Variants in DTNA observed in about 807,000 individuals in gnomAD.
DTNA encodes dystrophin-related protein 3.
DTNA carries 43 observed loss-of-function variants against 100.7 expected under a neutral mutation model. The ratio of observed to expected loss-of-function variants is 0.43; its 90% confidence interval spans 0.33 to 0.55. The LOEUF is 0.55. Among genes scored for constraint, DTNA ranks in the 20% least tolerant of loss-of-function variants. The probability of loss-of-function intolerance (pLI) is 0.04; values close to 1 mark genes in which losing one functional copy is unlikely to be tolerated. For synonymous variants in DTNA, 349 were observed against 347.9 expected, an observed-to-expected ratio of 1.00 and a Z score of -0.04; for missense variants, 798 against 953.9, an observed-to-expected ratio of 0.84 and a Z score of 2.15.
chr18:34,794,349 T>C (rs945021820), intron 4 of DTNA, 99 bp downstream of exon 4: 6 of 1,342,862 alleles, frequency 4.5e-6, no homozygotes, highest in Non-Finnish European at 5.3e-6. Flanking sequence ...CTCTCTCTTT[T>C]TTTTTTTACT....
At chr18:34,618,546 T>A (rs1305664885) in intron 1 of DTNA, among the ~76,000 whole-genome samples, 1 of 152,128 alleles carries the variant, frequency 6.6e-6, no homozygotes, top group Non-Finnish European at 1.5e-5. Flanking sequence ...CTCTCAATCA[T>A]GTGTTATTGT....
chr18:34,539,090 A>G (rs1398557671), intron 1 of DTNA, among the ~76,000 whole-genome samples: 3 of 152,042 alleles, frequency 2.0e-5, no homozygotes, highest in African/African-American at 7.2e-5. Context: ...ATGAGTTATC[A>G]CTGTTCACAG....
rs138293478 is a variant in DTNA at position 34,656,389 on chromosome 18, G to A, written c.-1-99587G>A. Among the ~76,000 whole-genome samples the A allele has an allele frequency of 2.1e-3, 327 of 152,316 alleles. 2 individuals are homozygous for A. The highest frequency in any genetic ancestry group is 7.6e-3 in the African/African-American group (318 of 41,578). ...CGTCTTGCTAGGAATTAGAAGAATAGAAGGGTTCTTCTTACGGTAAATGTC... is the reference window on the plus strand; with the variant it reads ...CGTCTTGCTAGGAATTAGAAGAATAAAAGGGTTCTTCTTACGGTAAATGTC... On this transcript the variant is annotated intron_variant, in intron 1 of 19. Transcript: ENST00000283365.
intron 3 of DTNA, among the ~76,000 whole-genome samples, chr18:34,783,002 A>G (rs150324977): frequency 6.6e-6 from 1 of 152,360 alleles, no homozygotes; most frequent in East Asian, 1.9e-4. Flanking sequence ...AAAGCCCTTT[A>G]TAAAATGACT....
chr18:34,539,610 T>C (rs1024174054), intron 1 of DTNA, among the ~76,000 whole-genome samples: 3 of 151,986 alleles, frequency 2.0e-5, no homozygotes, highest in African/African-American at 7.2e-5. Flanking sequence ...ACTGTTCTTT[T>C]GGCTTGTGGA....
chr18:34,719,878 G>T (rs1183530713), intron 1 of DTNA, among the ~76,000 whole-genome samples: 1 of 152,090 alleles, frequency 6.6e-6, no homozygotes, highest in Non-Finnish European at 1.5e-5. Context: ...CAAAGAATGG[G>T]CCTCATTGAA....
chr18:34,525,291 A>G (rs2042511501), intron 1 of DTNA, among the ~76,000 whole-genome samples: 1 of 152,054 alleles, frequency 6.6e-6, no homozygotes, highest in South Asian at 2.1e-4. Flanking sequence ...TCAGGGGAAA[A>G]TATGCTGAAC....
rs899487281 is a variant in DTNA at position 34,887,632 on chromosome 18, T to C, written c.*32-134T>C. ...TCCTGATTGTCGTAGGAAAGGAGTG[T>C]GTGTGTGCATGTGTGTGTGTGTGTG... On this transcript the variant is annotated intron_variant, in intron 22 of 22. Transcript: ENST00000444659. 16 of 566,138 alleles carry C rather than the reference T, an allele frequency of 2.8e-5. No individual in the cohort carries two copies. In the Admixed American group the frequency reaches 8.9e-4, roughly 32 times the overall value. The allele number at this position is 566,138 out of a possible 1,614,324, so 35.1% of individuals were successfully genotyped here.
chr18:34,783,160 A>G (rs957336477), intron 3 of DTNA, among the ~76,000 whole-genome samples: 1 of 152,230 alleles, frequency 6.6e-6, no homozygotes, highest in East Asian at 1.9e-4. Flanking sequence ...AATCCTTGGT[A>G]TAATACTTTA....
At position 34,875,290 on chromosome 18, in the gene DTNA, C is replaced by T; in HGVS notation, c.1795C>T (p.Pro599Ser). ...RSSPSHTISR[P>S]IPMPIRSASA... ...CTCCCCCAGCCACACCATCAGCAGG[C>T]CAATTCCCATGCCCATCCGGTCAGC... The change falls in exon 18 of 23, where the codon CCA becomes TCA. Residue 599 changes from proline (P) to serine (S), a missense_variant. Coordinates refer to ENST00000444659, the MANE Select transcript of DTNA (RefSeq NM_001386795.1). 6.2e-7 allele frequency: 1 copy of T among 1,614,218 alleles called. No individual in the cohort carries two copies. The highest frequency in any genetic ancestry group is 8.5e-7 in the Non-Finnish European group (1 of 1,180,042).
At chr18:34,694,414 T>C (rs1240562148) in intron 1 of DTNA, among the ~76,000 whole-genome samples, 1 of 152,242 alleles carries the variant, frequency 6.6e-6, no homozygotes, top group African/African-American at 2.4e-5. Flanking sequence ...ATTTTAGCCA[T>C]CAACTGATTT....
At chr18:34,545,702 T>A (rs2044707586) in intron 1 of DTNA, among the ~76,000 whole-genome samples, 1 of 152,116 alleles carries the variant, frequency 6.6e-6, no homozygotes, top group South Asian at 2.1e-4. Flanking sequence ...TTCAATCTTC[T>A]GCCCAACTCT....
chr18:34,798,870 A>C (rs2095097608), intron 4 of DTNA, among the ~76,000 whole-genome samples: 1 of 152,214 alleles, frequency 6.6e-6, no homozygotes, highest in African/African-American at 2.4e-5. Flanking sequence ...AATAATTTGC[A>C]GGTCATACAG....
intron 1 of DTNA, among the ~76,000 whole-genome samples, chr18:34,517,852 TA>T (rs2041802574): frequency 1.3e-5 from 2 of 152,164 alleles, no homozygotes; most frequent in African/African-American, 2.4e-5. Flanking sequence ...ATTCACCTGT[TA>T]AAGGACATCT....
chr18:34,814,520 GAAAA>G (rs112962760), intron 6 of DTNA, among the ~76,000 whole-genome samples: 26 of 141,352 alleles, frequency 1.8e-4, no homozygotes, highest in African/African-American at 6.7e-4. Flanking sequence ...TCTCATCTCT[GAAAA>G]AAAAAAAAAA....
At chr18:34,720,153 T>A (rs2084971016) in intron 1 of DTNA, among the ~76,000 whole-genome samples, 1 of 151,970 alleles carries the variant, frequency 6.6e-6, no homozygotes, top group Non-Finnish European at 1.5e-5. Flanking sequence ...GGTCACAAAG[T>A]CAAAGTCAAG....
intron 1 of DTNA, among the ~76,000 whole-genome samples, chr18:34,559,011 A>C (rs905101707): frequency 9.2e-5 from 14 of 152,206 alleles, no homozygotes; most frequent in Non-Finnish European, 8.8e-5. Flanking sequence ...AGTACTGTCC[A>C]TTGGAACATG....
chr18:34,597,014 C>G (rs1379020402), intron 1 of DTNA, among the ~76,000 whole-genome samples: 1 of 152,068 alleles, frequency 6.6e-6, no homozygotes, highest in Non-Finnish European at 1.5e-5. Context: ...CCCCCAATTC[C>G]CTGACAGGCC....
At chr18:34,828,786 TA>T (rs1438928255) in intron 10 of DTNA, among the ~76,000 whole-genome samples, 1 of 152,102 alleles carries the variant, frequency 6.6e-6, no homozygotes, top group Non-Finnish European at 1.5e-5. Context: ...CACAGTAAAA[TA>T]ATATGGTTTA....
Sources: gnomAD v4.1 joint callset for allele counts (sites outside exome capture counted in the v4.1 genomes callset) on GRCh38, gnomAD v4.1.1 for gene constraint, MANE v1.5 for transcripts, NCBI Gene and HGNC (gene_info 2026-07-23, HGNC 2026-07-21) for gene names.